SERPINA1: variants seen among roughly 807,000 people sequenced by gnomAD.
SERPINA1 encodes the protein alpha-1-antitrypsin.
Under a neutral mutation model 25.4 loss-of-function variants are expected in SERPINA1, and 21 were observed. The observed-to-expected ratio is 0.83, with a 90% CI of 0.59 to 1.19. The LOEUF is 1.19. SERPINA1 is among the 50% of genes most tolerant of loss of function. The pLI is 0.00. For synonymous variants in SERPINA1, 218 were observed against 211.1 expected (o/e 1.03, Z -0.29); for missense variants, 546 against 509.0 (o/e 1.07, Z -0.70).
At chr14:94,382,534 T>C in intron 2 of SERPINA1, 58 bp downstream of exon 2, 1 of 1,607,820 alleles carries the variant, frequency 6.2e-7, no homozygotes, top group Non-Finnish European at 8.5e-7. Context: ...AACTGATGGT[T>C]TGAGAATATT....
At chr14:94,378,985 C>G (rs754591611) in intron 4 of SERPINA1, 15 of 531,224 alleles carry the variant, frequency 2.8e-5, no homozygotes, top group South Asian at 2.5e-4. Flanking sequence ...GTGACCTTCA[C>G]AGTGCCCAGA....
At chr14:94,382,533 T>A (rs1897002680) in intron 2 of SERPINA1, 59 bp downstream of exon 2, 1 of 1,607,712 alleles carries the variant, frequency 6.2e-7, no homozygotes, top group Non-Finnish European at 8.5e-7. Flanking sequence ...GAACTGATGG[T>A]TTGAGAATAT....
chr14:94,380,785 C>T, intron 3 of SERPINA1, 86 bp downstream of exon 3: 2 of 1,569,230 alleles, frequency 1.3e-6, no homozygotes, highest in Admixed American at 3.3e-5. Context: ...CCTCCTCAGC[C>T]CTCTGGCCAG....
At chr14:94,390,268 T>C (rs1897608037), upstream of SERPINA1, among the ~76,000 whole-genome samples, 2 of 152,200 alleles carry the variant, frequency 1.3e-5, no homozygotes, top group South Asian at 4.1e-4. Context: ...GAATGGATAT[T>C]CCGCTGCTCT....
chr14:94,382,242 A>G (rs541382023), intron 2 of SERPINA1, among the ~76,000 whole-genome samples: 122 of 152,344 alleles, frequency 8.0e-4, no homozygotes, highest in Middle Eastern at 3.4e-3. Flanking sequence ...GGGACACTAG[A>G]GTCGTGTAAA....
chr14:94,380,031 T>C (rs1896767159), intron 3 of SERPINA1, among the ~76,000 whole-genome samples: 1 of 151,992 alleles, frequency 6.6e-6, no homozygotes, highest in South Asian at 2.1e-4. Flanking sequence ...TCCTCTCTGG[T>C]TTTCCATGGG....
Position 94,381,204 on chromosome 14 carries a change from A to G in SERPINA1, c.647-63T>C. The G allele has an allele frequency of 5.2e-6, 8 of 1,548,490 alleles. No individual in the cohort carries two copies. The South Asian group carries it at 9.1e-5, about 18-fold the overall frequency. ...TGAAGGTTTGGAAGAGTGTAGCAGA[A>G]TAAAGAAACCATGAGTCCCCTCCCT... On this transcript the variant is annotated intron_variant, in intron 2 of 4. Transcript: ENST00000393087.
At chr14:94,387,676 T>C (rs1427887188) in intron 1 of SERPINA1, among the ~76,000 whole-genome samples, 2 of 152,064 alleles carry the variant, frequency 1.3e-5, no homozygotes, top group Non-Finnish European at 2.9e-5. Flanking sequence ...AGAGAAACAG[T>C]GACACTAGGG....
At chr14:94,378,727 A>G (rs1896586166) in intron 4 of SERPINA1, 87 bp from the exon 5 acceptor site, 39 of 1,372,094 alleles carry the variant, frequency 2.8e-5, no homozygotes, top group Middle Eastern at 2.2e-4. Flanking sequence ...GGAAGCGCTC[A>G]CTCCCCCTGG....
In SERPINA1 at chr14:94,379,450, C is replaced by T. The variant is rs1246677759; in HGVS notation, c.1065+14G>A. ...AGATACCAGGGTGCAACAAGGTCGT[C>T]AGGGTGATCTCACCTTGGAGAGCTT... On this transcript the variant is annotated intron_variant, in intron 4 of 4. Transcript: ENST00000393087. The T allele has an allele frequency of 1.2e-6, 2 of 1,614,020 alleles. No homozygotes were observed. Among genetic ancestry groups the T allele is most frequent in the Admixed American group, 1.7e-5 (1 of 60,030 alleles).
rs1360992592 is a variant in SERPINA1, at chr14:94,378,244, A to G, written c.*205T>C. The G allele has an allele frequency of 1.6e-6, 1 of 606,518 alleles. No individual in the cohort carries two copies. The highest frequency in any genetic ancestry group is 2.9e-6 in the Non-Finnish European group (1 of 341,632). The allele number at this position is 606,518 out of a possible 1,614,324, so 37.6% of individuals were successfully genotyped here. On this transcript the variant is annotated 3_prime_UTR_variant, in exon 5 of 5. Coordinates refer to ENST00000393087, the MANE Select transcript of SERPINA1 (RefSeq NM_000295.5). ...GCCCAGCATGTGCCTACCCAGCCAG[A>G]TGCTCCATGAACACAGTTCAGGGGG...
chr14:94,387,477 A>G (rs1161546734), intron 1 of SERPINA1, among the ~76,000 whole-genome samples: 1 of 152,220 alleles, frequency 6.6e-6, no homozygotes, highest in Non-Finnish European at 1.5e-5. Context: ...CAGTGCAGGA[A>G]AAATTAAATC....
Position 94,382,779 on chromosome 14 carries a change from C to T in SERPINA1, c.459G>A (p.Lys153=). 6.2e-7 allele frequency: 1 copy of T among 1,614,268 alleles called. No homozygotes were observed. The highest frequency in any genetic ancestry group is 1.6e-4 in the Middle Eastern group (1 of 6,062). ...FLSEGLKLVD[K]FLEDVKKLYH... is the part of the protein sequence containing the mutation. ...ACAACTTTTTAACATCCTCCAAAAA[C>T]TTATCCACTAGCTTCAGGCCCTCGC... The change falls in exon 2 of 5, where the codon AAG becomes AAA. Residue 153 remains lysine (K), a synonymous_variant. Transcript: ENST00000393087.
At chr14:94,384,064 T>A (rs767292248) in intron 1 of SERPINA1, 5 of 152,218 alleles carry the variant, frequency 3.3e-5, no homozygotes, top group African/African-American at 1.2e-4. Flanking sequence ...GGTGTCCCAG[T>A]TCTGGGCTCT....
chr14:94,378,289 C>T lies in SERPINA1; in HGVS notation c.*160G>A. The T allele has an allele frequency of 1.5e-6, 1 of 673,872 alleles. No individual in the cohort carries two copies. The highest frequency in any genetic ancestry group is 1.8e-5 in the South Asian group (1 of 55,280). The allele number at this position is 673,872 out of a possible 1,614,324, so 41.7% of individuals were successfully genotyped here. A position where few individuals can be genotyped will look rare whatever the true frequency, so the allele number is the denominator to read the frequency against. ...AGGGGGCCCGAAGACAGCACTGTTACCTGGAGCCCACATACAGCCTCAGCA... is the reference window on the plus strand; with the variant it reads ...AGGGGGCCCGAAGACAGCACTGTTATCTGGAGCCCACATACAGCCTCAGCA... On this transcript the variant is annotated 3_prime_UTR_variant, in exon 5 of 5. Coordinates refer to ENST00000393087, the MANE Select transcript of SERPINA1 (RefSeq NM_000295.5).
intron 1 of SERPINA1, among the ~76,000 whole-genome samples, chr14:94,386,880 G>A (rs879694560): frequency 6.6e-6 from 1 of 152,244 alleles, no homozygotes; most frequent in East Asian, 1.9e-4. Flanking sequence ...TACAGGCACC[G>A]TATCATCTAA....
At chr14:94,382,498 T>G in intron 2 of SERPINA1, 94 bp downstream of exon 2, 1 of 1,447,714 alleles carries the variant, frequency 6.9e-7, no homozygotes, top group Non-Finnish European at 9.7e-7. Flanking sequence ...CTATGGCCCA[T>G]AATGCATTGC....
At chr14:94,384,740 A>T (rs1897181967) in intron 1 of SERPINA1, among the ~76,000 whole-genome samples, 1 of 152,206 alleles carries the variant, frequency 6.6e-6, no homozygotes, top group South Asian at 2.1e-4. Context: ...AATACAAAGA[A>T]AAAGGTGTCC....
chr14:94,381,378 G>A (rs1159074902), intron 2 of SERPINA1, among the ~76,000 whole-genome samples: 2 of 152,154 alleles, frequency 1.3e-5, no homozygotes, highest in Non-Finnish European at 2.9e-5. Context: ...TTTCTACATC[G>A]TGGCGATGTC....
Sources: gnomAD v4.1 joint callset for allele counts (sites outside exome capture counted in the v4.1 genomes callset) on GRCh38, gnomAD v4.1.1 for gene constraint, MANE v1.5 for transcripts, NCBI Gene and HGNC (gene_info 2026-07-23, HGNC 2026-07-21) for gene names.